Variants in ZNF521 observed in about 807,000 individuals in gnomAD.
ZNF521 encodes the protein LYST-interacting protein 3.
Under a neutral mutation model 105.5 loss-of-function variants are expected in ZNF521, and 14 were observed. The ratio of observed to expected loss-of-function variants is 0.13; its 90% CI spans 0.09 to 0.21. The LOEUF (loss-of-function observed/expected upper bound fraction) is 0.21, where lower values mean the gene tolerates loss of function less well. ZNF521 is among the 10% of genes least tolerant of loss of function. The probability of loss-of-function intolerance (pLI) is 1.00; values close to 1 mark genes in which losing one functional copy is unlikely to be tolerated. For missense variants in ZNF521, 1,233 were observed against 1,629.7 expected (o/e 0.76, Z 4.19); for synonymous variants, 635 against 606.0 (o/e 1.05, Z -0.70).
At chr18:25,295,039 CTAT>C (rs1225139188) in intron 3 of ZNF521, among the ~76,000 whole-genome samples, 1 of 152,006 alleles carries the variant, frequency 6.6e-6, no homozygotes, top group African/African-American at 2.4e-5. Flanking sequence ...CATATAACTA[CTAT>C]ACTAGTATAG....
intron 2 of ZNF521, among the ~76,000 whole-genome samples, chr18:25,341,265 G>A (rs962321907): frequency 2.0e-5 from 3 of 152,130 alleles, no homozygotes; most frequent in Non-Finnish European, 2.9e-5. Context: ...AGTGTTCTAC[G>A]CCTGCACATT....
At chr18:25,299,112 T>C (rs538599203) in intron 3 of ZNF521, among the ~76,000 whole-genome samples, 1 of 152,210 alleles carries the variant, frequency 6.6e-6, no homozygotes, top group Non-Finnish European at 1.5e-5. Flanking sequence ...TCTGTCCCCA[T>C]GTATAAACAT....
intron 3 of ZNF521, among the ~76,000 whole-genome samples, chr18:25,263,150 T>A (rs149825356): frequency 5.4e-4 from 83 of 152,322 alleles, no homozygotes; most frequent in African/African-American, 1.9e-3. Context: ...AAGGTCAGAA[T>A]GAGTCTCACT....
chr18:25,217,544 G>A (rs1162759069), intron 4 of ZNF521, among the ~76,000 whole-genome samples: 2 of 152,126 alleles, frequency 1.3e-5, no homozygotes, highest in African/African-American at 4.8e-5. Flanking sequence ...GTATACATAC[G>A]ACATTTCAGA....
intron 4 of ZNF521, among the ~76,000 whole-genome samples, chr18:25,220,642 A>G (rs1029769606): frequency 1.3e-5 from 2 of 152,212 alleles, no homozygotes; most frequent in Admixed American, 1.3e-4. Flanking sequence ...CCCTATGCAC[A>G]TCTCGCGACA....
intron 4 of ZNF521, among the ~76,000 whole-genome samples, chr18:25,199,127 C>T (rs1351275486): frequency 6.6e-6 from 1 of 151,680 alleles, no homozygotes; most frequent in African/African-American, 2.4e-5. Flanking sequence ...TCAGTAAATA[C>T]AGGCATAGGG....
At chr18:25,222,491 C>G (rs1312025724) in intron 4 of ZNF521, among the ~76,000 whole-genome samples, 1 of 152,132 alleles carries the variant, frequency 6.6e-6, no homozygotes, top group Admixed American at 6.5e-5. Flanking sequence ...CTTTCATAAA[C>G]AATCTACTAA....
intron 5 of ZNF521, among the ~76,000 whole-genome samples, chr18:25,175,304 A>T (rs1488846748): frequency 6.6e-6 from 1 of 152,248 alleles, no homozygotes; most frequent in African/African-American, 2.4e-5. Flanking sequence ...CAGGGAAGTA[A>T]TAAGAAATCA....
At chr18:25,273,713 T>C (rs1909836806) in intron 3 of ZNF521, 2 of 152,198 alleles carry the variant, frequency 1.3e-5, no homozygotes, top group African/African-American at 4.8e-5. Flanking sequence ...ACTTAGTATA[T>C]ATGGATTGTT....
chr18:25,287,448 T>C (rs1240883135), intron 3 of ZNF521, among the ~76,000 whole-genome samples: 1 of 152,176 alleles, frequency 6.6e-6, no homozygotes, highest in Non-Finnish European at 1.5e-5. Context: ...AAAAACATTA[T>C]GTGTCCCCTG....
At chr18:25,120,479 G>T (rs950075897) in intron 5 of ZNF521, among the ~76,000 whole-genome samples, 10 of 152,022 alleles carry the variant, frequency 6.6e-5, no homozygotes, top group African/African-American at 2.4e-4. Flanking sequence ...AGCTACTTGG[G>T]AGGCTGAGGC....
chr18:25,241,665 T>C (rs1907342480), intron 3 of ZNF521, among the ~76,000 whole-genome samples: 1 of 152,196 alleles, frequency 6.6e-6, no homozygotes, highest in South Asian at 2.1e-4. Flanking sequence ...AAGTCAAGGC[T>C]ATTAAAACAT....
At chr18:25,248,454 C>T (rs996294776) in intron 3 of ZNF521, among the ~76,000 whole-genome samples, 7 of 152,308 alleles carry the variant, frequency 4.6e-5, no homozygotes, top group Admixed American at 6.5e-5. Flanking sequence ...ATCATTTATG[C>T]AGTGGCAGTC....
intron 5 of ZNF521, among the ~76,000 whole-genome samples, chr18:25,148,442 T>TA (rs796090649): frequency 1.3e-5 from 2 of 152,320 alleles, no homozygotes; most frequent in East Asian, 3.9e-4. Flanking sequence ...CATTGAGTTT[T>TA]AAAAAAATTA....
At chr18:25,110,010 T>G (rs542525633) in intron 5 of ZNF521, among the ~76,000 whole-genome samples, 1 of 152,238 alleles carries the variant, frequency 6.6e-6, no homozygotes, top group Non-Finnish European at 1.5e-5. Flanking sequence ...GATTTTCTTC[T>G]TCTATATTCT....
chr18:25,279,549 C>G (rs1462648508), intron 3 of ZNF521, among the ~76,000 whole-genome samples: 2 of 152,142 alleles, frequency 1.3e-5, no homozygotes, highest in Admixed American at 6.6e-5. Flanking sequence ...GAGGGATGGA[C>G]AACACATCCT....
rs148306333 is a variant in ZNF521, at chr18:25,213,901, T to C, written c.3573+10444A>G. Among the ~76,000 whole-genome samples, 392 of 152,278 alleles carry C rather than the reference T, an allele frequency of 2.6e-3. 1 individual carries two copies. Among genetic ancestry groups the C allele is most frequent in the Admixed American group, 4.4e-3 (67 of 15,296 alleles). On this transcript the variant is annotated intron_variant, in intron 4 of 7. Coordinates refer to ENST00000361524, the MANE Select transcript of ZNF521 (RefSeq NM_015461.3). Reference sequence around the variant, plus strand: ...ATACTGTAACTTAAATTCTCTACCATTAGCATAAAGTTACTCATAGTATTA... The same window carrying C: ...ATACTGTAACTTAAATTCTCTACCACTAGCATAAAGTTACTCATAGTATTA...
chr18:25,319,216 A>T (rs1481171845), intron 3 of ZNF521, among the ~76,000 whole-genome samples: 1 of 152,218 alleles, frequency 6.6e-6, no homozygotes, highest in Non-Finnish European at 1.5e-5. Context: ...CAGTAACATG[A>T]ATATACAAAT....
At chr18:25,161,381 G>A (rs1262606675) in intron 5 of ZNF521, among the ~76,000 whole-genome samples, 2 of 152,162 alleles carry the variant, frequency 1.3e-5, no homozygotes, top group Non-Finnish European at 2.9e-5. Context: ...GACAGCTGCT[G>A]TGGGGGTCCA....
Sources: allele counts gnomAD v4.1 joint callset (sites outside exome capture counted in the v4.1 genomes callset), GRCh38; gene constraint gnomAD v4.1.1; transcripts MANE v1.5; gene names NCBI Gene and HGNC (gene_info 2026-07-23, HGNC 2026-07-21).